Variants in SURF2 observed in about 807,000 individuals in gnomAD.
The protein encoded by SURF2 is surfeit 2, also known as surfeit locus protein 2.
Under a neutral mutation model 26.2 loss-of-function variants are expected in SURF2, and 32 were observed. The ratio of observed to expected loss-of-function variants is 1.22; its 90% CI spans 0.92 to 1.64. The LOEUF (loss-of-function observed/expected upper bound fraction) is 1.64, where lower values mean the gene tolerates loss of function less well. SURF2 is among the 40% of genes most tolerant of loss of function. The pLI is 0.00. For synonymous variants in SURF2, 173 were observed against 139.1 expected (o/e 1.24, Z -1.71); for missense variants, 415 against 341.6 (o/e 1.21, Z -1.69).
intron 2 of SURF2, among the ~76,000 whole-genome samples, chr9:133,357,492 G>C (rs1836639428): frequency 6.6e-6 from 1 of 152,142 alleles, no homozygotes; most frequent in South Asian, 2.1e-4. Flanking sequence ...AGTCAGTGAG[G>C]CTGCCATGCG....
chr9:133,358,763 G>C (rs2130040551), intron 3 of SURF2, among the ~76,000 whole-genome samples: 8,533 of 152,300 alleles, frequency 0.056, 331 homozygotes, highest in Non-Finnish European at 0.087. Context: ...CATGAGGGCA[G>C]TGTCCGGCCT....
At position 133,357,749 on chromosome 9, in the gene SURF2, A is replaced by G. The variant is rs1281926142; in HGVS notation, c.272A>G (p.Asn91Ser). Residue 91 changes from asparagine to serine, a missense_variant, in exon 3 of 6, where the codon AAC becomes AGC. Asn to Ser is a conservative substitution (Grantham distance 46). Coordinates refer to ENST00000371964, the MANE Select transcript of SURF2 (RefSeq NM_017503.5). The part of the protein sequence containing the change: ...LFCKLTLRHI[N>S]KCPEHVLRHT... ...TGCAAACTCACCCTGCGGCACATCA[A>G]CAAGTGCCCAGAACACGTGCTGAGG... The G allele has an allele frequency of 6.2e-7, 1 of 1,613,794 alleles. No homozygotes were observed. The highest frequency in any genetic ancestry group is 2.2e-5 in the East Asian group (1 of 44,886).
chr9:133,357,899 T>C, intron 3 of SURF2, 85 bp downstream of exon 3: 2 of 1,369,030 alleles, frequency 1.5e-6, no homozygotes, highest in Non-Finnish European at 2.0e-6. Context: ...TGAAGGCAGG[T>C]CGTCCTTCAG....
Position 133,356,553 on chromosome 9 carries a change from C to T in SURF2, c.-40C>T, listed in dbSNP as rs2130027816. On this transcript the variant is annotated 5_prime_UTR_variant, in exon 1 of 6. Coordinates refer to ENST00000371964, the MANE Select transcript of SURF2 (RefSeq NM_017503.5). ...GCCCCGCCCCCGGCTCCAGGTTCTG[C>T]GAGCGGCTTCCGCCGGGCTGCTCCG... 3.7e-5 allele frequency: 55 copies of T among 1,501,544 alleles called. No homozygotes were observed. In the African/African-American group the frequency reaches 5.1e-4, roughly 14 times the overall value. 93.0% of individuals were successfully genotyped at this position (1,501,544 alleles called of 1,614,324 possible).
At position 133,356,651 on chromosome 9, in the gene SURF2, T is replaced by G; in HGVS notation, c.59T>G (p.Leu20Arg). The G allele has an allele frequency of 6.6e-7, 1 of 1,526,350 alleles. No homozygotes were observed. The highest frequency in any genetic ancestry group is 8.7e-7 in the Non-Finnish European group (1 of 1,143,502). The allele number at this position is 1,526,350 out of a possible 1,614,324, so 94.6% of individuals were successfully genotyped here. The change falls in exon 1 of 6, where the codon CTC (leucine) becomes CGC (arginine). Residue 20 changes from leucine (L) to arginine (R), a missense_variant. Transcript: ENST00000371964. ...CTGCGGGAGCACCCGAGCCTGCGGC[T>G]CCAGACGGACGCCCGCAAGGTTCGC... is the stretch of plus-strand genomic sequence containing the variant. Reference protein sequence around the residue: ...AFLREHPSLRLQTDARKVRCI... With the variant: ...AFLREHPSLRRQTDARKVRCI...
Position 133,360,408 on chromosome 9 carries a change from C to T in SURF2, c.661C>T (p.Arg221Ter), listed in dbSNP as rs2130051378. ...DEGRRETTVY[R>*]GLVQKRGKKQ... ...GGGCAGGAGAGAGACGACCGTGTAC[C>T]GAGGGCTGGTCCAGAAGCGCGGGAA... is the stretch of plus-strand genomic sequence containing the variant. The change falls in exon 5 of 6, where the codon CGA becomes TGA. Residue 221 changes from arginine (R) to a stop codon, truncating the protein, a stop_gained. Coordinates refer to ENST00000371964, the MANE Select transcript of SURF2 (RefSeq NM_017503.5). LOFTEE classifies it low-confidence loss of function (END_TRUNC). The T allele has an allele frequency of 6.8e-6, 11 of 1,611,588 alleles. No homozygotes were observed. Among genetic ancestry groups the T allele is most frequent in the Middle Eastern group, 1.6e-4 (1 of 6,070 alleles).
At position 133,361,041 on chromosome 9, in the gene SURF2, T is replaced by C. The variant is rs2130056555; in HGVS notation, c.688-15T>C. ...TCAGAAAGGCTCAGTAATCAGAATT[T>C]TGTTTATCCCACAGAAGCAGTTGGG... On this transcript the variant is annotated splice_polypyrimidine_tract_variant and intron_variant, in intron 5 of 5. Coordinates refer to ENST00000371964, the MANE Select transcript of SURF2 (RefSeq NM_017503.5). 3 of 1,613,884 alleles carry C rather than the reference T, an allele frequency of 1.9e-6. No homozygotes were observed. In the African/African-American group the frequency reaches 4.0e-5, roughly 22 times the overall value.
At chr9:133,359,352 G>A (rs1221699515) in intron 3 of SURF2, among the ~76,000 whole-genome samples, 1 of 152,220 alleles carries the variant, frequency 6.6e-6, no homozygotes, top group African/African-American at 2.4e-5. Context: ...AGCCCATGAG[G>A]GATGATGATG....
intron 3 of SURF2, 35 bp downstream of exon 3, chr9:133,357,849 A>T (rs144717410): frequency 1.9e-6 from 3 of 1,596,500 alleles, no homozygotes; most frequent in African/African-American, 2.7e-5. Context: ...GTGCATCGCC[A>T]TCTGAGTGCA....
chr9:133,357,101 G>C (rs1408264253), intron 2 of SURF2, 33 bp downstream of exon 2: 2 of 1,523,078 alleles, frequency 1.3e-6, no homozygotes, highest in Non-Finnish European at 8.8e-7. Context: ...GGGAGGCCCA[G>C]GGCAATTAGG....
At chr9:133,358,289 A>G (rs2130039235) in intron 3 of SURF2, among the ~76,000 whole-genome samples, 6 of 152,080 alleles carry the variant, frequency 3.9e-5, no homozygotes, top group African/African-American at 1.4e-4. Context: ...TGACCCAGAG[A>G]CCAGGCCAGG....
intron 3 of SURF2, among the ~76,000 whole-genome samples, chr9:133,359,197 C>T (rs2130041482): frequency 2.0e-5 from 3 of 152,286 alleles, no homozygotes; most frequent in East Asian, 1.9e-4. Flanking sequence ...GAAGTCCAAA[C>T]GTGGCTGTAA....
chr9:133,358,468 GGT>G (rs1329858539), intron 3 of SURF2, among the ~76,000 whole-genome samples: 1 of 152,148 alleles, frequency 6.6e-6, no homozygotes, highest in Non-Finnish European at 1.5e-5. Flanking sequence ...TATTAGGAAA[GGT>G]GTGTATTAGG....
At chr9:133,360,560 C>T (rs1374189495) in intron 5 of SURF2, 126 bp downstream of exon 5, 2 of 1,241,756 alleles carry the variant, frequency 1.6e-6, no homozygotes, top group African/African-American at 3.1e-5. Context: ...ACACAAGAAC[C>T]ATAGAAGCCG....
chr9:133,360,980 G>GA, intron 5 of SURF2, 76 bp from the exon 6 acceptor site: 1 of 1,474,858 alleles, frequency 6.8e-7, no homozygotes, highest in South Asian at 1.1e-5. Flanking sequence ...TGTGGGTGGG[G>GA]AGAGCCCTGC....
At chr9:133,356,716 T>G (rs1024876880) in intron 1 of SURF2, 46 bp downstream of exon 1, 17 of 1,417,288 alleles carry the variant, frequency 1.2e-5, no homozygotes, top group Non-Finnish European at 1.6e-5. Context: ...AGGGCGCAGT[T>G]GGGATGAGGG....
rs2130051466 is a variant in SURF2 at position 133,360,411 on chromosome 9, G to A, written c.664G>A (p.Gly222Arg). The A allele has an allele frequency of 3.1e-6, 5 of 1,611,608 alleles. No homozygotes were observed. Among genetic ancestry groups the A allele is most frequent in the South Asian group, 1.1e-5 (1 of 90,960 alleles). The change falls in exon 5 of 6, where the codon GGG becomes AGG. Residue 222 changes from glycine (G) to arginine (R), a missense_variant. Gly to Arg is a moderately radical substitution (Grantham distance 125). Coordinates refer to ENST00000371964, the MANE Select transcript of SURF2 (RefSeq NM_017503.5). ...CAGGAGAGAGACGACCGTGTACCGA[G>A]GGCTGGTCCAGAAGCGCGGGAAGGT... ...EGRRETTVYR[G>R]LVQKRGKKQL... is the part of the protein sequence containing the mutation.
At chr9:133,360,544 A>G (rs1196386964) in intron 5 of SURF2, 110 bp downstream of exon 5, 4 of 1,313,186 alleles carry the variant, frequency 3.0e-6, no homozygotes, top group African/African-American at 1.5e-5. Context: ...ATCCCAAGCC[A>G]ACAACACACA....
Position 133,360,074 on chromosome 9 carries a change from A to C in SURF2, c.462A>C (p.Thr154=). 2 of 1,614,016 alleles carry C rather than the reference A, an allele frequency of 1.2e-6. No homozygotes were observed. ...CGCGGGAAGCCTTCTGGGAGCCCAC[A>C]TCCAGTGATGAGGGGGGAGCTGCAA... The part of the protein sequence containing the change: ...PRPREAFWEP[T]SSDEGGAASD... Residue 154 remains threonine (T), a synonymous_variant, in exon 4 of 6, where the codon ACA becomes ACC. Coordinates refer to ENST00000371964, the MANE Select transcript of SURF2 (RefSeq NM_017503.5).
Sources: gnomAD v4.1 joint callset for allele counts (sites outside exome capture counted in the v4.1 genomes callset) on GRCh38, gnomAD v4.1.1 for gene constraint, MANE v1.5 for transcripts, NCBI Gene and HGNC (gene_info 2026-07-23, HGNC 2026-07-21) for gene names.